DPP6: variants seen among roughly 807,000 people sequenced by gnomAD.
DPP6 encodes the protein A-type potassium channel modulatory protein DPP6.
DPP6 carries 69 observed loss-of-function variants against 122.6 expected under a neutral mutation model. The observed-to-expected ratio is 0.56, with a 90% confidence interval of 0.46 to 0.69. The LOEUF (loss-of-function observed/expected upper bound fraction) is 0.69. Ranked by LOEUF, DPP6 falls within the 30% of genes least tolerant of loss-of-function variation. DPP6 has a pLI of 0.00. For synonymous variants in DPP6, 418 were observed against 433.1 expected (o/e 0.97, Z 0.43); for missense variants, 928 against 1,116.9 (o/e 0.83, Z 2.41).
chr7:153,844,114 C>T, the DPP6 span, among the ~76,000 whole-genome samples: 1 of 152,200 alleles, frequency 6.6e-6, no homozygotes, highest in Non-Finnish European at 1.5e-5. Context: ...TTCATAGGCT[C>T]TCTTCAGGGG....
Position 154,892,653 on chromosome 7 carries a change from C to A in DPP6, c.*173C>A, listed in dbSNP as rs76896340. The A allele has an allele frequency of 3.0e-6, 4 of 1,343,092 alleles. No individual in the cohort carries two copies. The East Asian group carries it at 9.4e-5, about 32-fold the overall frequency. 83.2% of individuals were successfully genotyped at this position (1,343,092 alleles called of 1,614,324 possible). On this transcript the variant is annotated 3_prime_UTR_variant, in exon 26 of 26. Transcript: ENST00000377770. Reference sequence around the variant, plus strand: ...TTTGCTTGGGAAACAAGCTCCTTCCCCGGGGTCATCACTCACGGCCTCCAT... The same window carrying A: ...TTTGCTTGGGAAACAAGCTCCTTCCACGGGGTCATCACTCACGGCCTCCAT...
At chr7:154,364,510 C>T (rs781314738) in intron 1 of DPP6, among the ~76,000 whole-genome samples, 103 of 151,926 alleles carry the variant, frequency 6.8e-4, no homozygotes, top group Non-Finnish European at 1.1e-3. Flanking sequence ...CCAGGCTGTG[C>T]GAACAAACCA....
intron 1 of DPP6, among the ~76,000 whole-genome samples, chr7:154,091,269 G>A (rs2533636): frequency 4.3e-4 from 66 of 151,872 alleles, no homozygotes; most frequent in Middle Eastern, 3.4e-3. Context: ...GGAATCCTCC[G>A]CCTCCCCTGC....
intron 1 of DPP6, among the ~76,000 whole-genome samples, chr7:154,380,741 C>G (rs780400583): frequency 2.0e-5 from 3 of 152,180 alleles, no homozygotes; most frequent in Non-Finnish European, 4.4e-5. Flanking sequence ...CTGCAGATCC[C>G]TCATGGTCAG....
chr7:154,288,931 C>A (rs993219270), intron 1 of DPP6, among the ~76,000 whole-genome samples: 1 of 152,146 alleles, frequency 6.6e-6, no homozygotes, highest in African/African-American at 2.4e-5. Context: ...TTTTAAAATG[C>A]CAGACTCTGC....
At chr7:154,598,016 A>G (rs1359448585) in intron 5 of DPP6, among the ~76,000 whole-genome samples, 1 of 152,192 alleles carries the variant, frequency 6.6e-6, no homozygotes, top group Non-Finnish European at 1.5e-5. Flanking sequence ...ACCTCCCAAT[A>G]AAGTCCCTTT....
intron 1 of DPP6, among the ~76,000 whole-genome samples, chr7:154,398,686 A>C (rs1390075206): frequency 6.6e-6 from 1 of 152,092 alleles, no homozygotes; most frequent in Non-Finnish European, 1.5e-5. Flanking sequence ...GCAGAAAATG[A>C]GGTGTGCCAG....
intron 1 of DPP6, among the ~76,000 whole-genome samples, chr7:154,182,794 C>T (rs1221890714): frequency 2.0e-5 from 3 of 152,126 alleles, no homozygotes; most frequent in Non-Finnish European, 4.4e-5. Context: ...AAATGCAAAA[C>T]CACCTGCTGT....
the DPP6 span, among the ~76,000 whole-genome samples, chr7:153,815,533 A>AGCAGTCCCCAGAGTGTG: frequency 7.1e-6 from 1 of 141,326 alleles, no homozygotes; most frequent in Non-Finnish European, 1.5e-5. Flanking sequence ...CCCACCCCAC[A>AGCAGTCCCCAGAGTGTG]GCAGTCCCCA....
At chr7:154,816,497 T>C (rs1472771289) in intron 16 of DPP6, among the ~76,000 whole-genome samples, 2 of 152,172 alleles carry the variant, frequency 1.3e-5, no homozygotes, top group African/African-American at 4.8e-5. Context: ...CTGGTGGATA[T>C]GGGGCACCAC....
chr7:154,775,925 C>T (rs550624622), intron 10 of DPP6, among the ~76,000 whole-genome samples: 8 of 152,162 alleles, frequency 5.3e-5, no homozygotes, highest in South Asian at 2.1e-4. Context: ...CCAGGATCCC[C>T]GGCCTCCTTT....
intron 1 of DPP6, among the ~76,000 whole-genome samples, chr7:154,373,800 G>A (rs143193871): frequency 5.3e-5 from 8 of 152,110 alleles, no homozygotes; most frequent in East Asian, 1.9e-4. Context: ...CCCTCCTCCC[G>A]CAGCCCCTGG....
chr7:153,778,394 A>G, the DPP6 span, among the ~76,000 whole-genome samples: 1 of 152,148 alleles, frequency 6.6e-6, no homozygotes, highest in Non-Finnish European at 1.5e-5. Flanking sequence ...GTTGTTATGC[A>G]TACACATATT....
chr7:154,367,507 C>T (rs188883154), intron 1 of DPP6, among the ~76,000 whole-genome samples: 1 of 152,274 alleles, frequency 6.6e-6, no homozygotes, highest in African/African-American at 2.4e-5. Context: ...AGAAAATCTC[C>T]ACCAACACCT....
intron 1 of DPP6, among the ~76,000 whole-genome samples, chr7:154,006,972 C>T (rs114459354): frequency 0.021 from 3,159 of 152,296 alleles, 99 homozygotes; most frequent in African/African-American, 0.07. Flanking sequence ...AGCTGCTCCC[C>T]TGAGAAGATA....
chr7:153,992,758 T>C (rs2533596), intron 1 of DPP6, among the ~76,000 whole-genome samples: 30 of 152,332 alleles, frequency 2.0e-4, no homozygotes, highest in African/African-American at 7.0e-4. Flanking sequence ...ACACTATGAC[T>C]AAATGGGGTA....
intron 1 of DPP6, among the ~76,000 whole-genome samples, chr7:154,045,849 C>G (rs1799994414): frequency 6.6e-6 from 1 of 152,206 alleles, no homozygotes. Flanking sequence ...CACTGTAGTT[C>G]ATGATTTCAT....
rs547264322 is a variant in DPP6 at position 154,432,091 on chromosome 7, T to C, written c.244-14123T>C. 3.9e-5 allele frequency among the ~76,000 whole-genome samples: 6 copies of C among 152,170 alleles called. No individual in the cohort carries two copies. The East Asian group carries it at 1.2e-3, about 29-fold the overall frequency. ...TGCTCTGAGTAAAGCAGTTTCCGGG[T>C]CCAAAATAATTCAAAGAAATGAAGA... On this transcript the variant is annotated intron_variant, in intron 1 of 25. Coordinates refer to ENST00000377770, the MANE Select transcript of DPP6 (RefSeq NM_130797.4).
intron 1 of DPP6, among the ~76,000 whole-genome samples, chr7:154,131,912 G>A (rs1795303073): frequency 6.6e-6 from 1 of 152,024 alleles, no homozygotes; most frequent in East Asian, 1.9e-4. Context: ...TTAAATATTA[G>A]CCTGAAAATA....
Sources: gnomAD v4.1 joint callset for allele counts (sites outside exome capture counted in the v4.1 genomes callset) on GRCh38, gnomAD v4.1.1 for gene constraint, MANE v1.5 for transcripts, NCBI Gene and HGNC (gene_info 2026-07-23, HGNC 2026-07-21) for gene names.